RASEF: variants seen among roughly 807,000 people sequenced by gnomAD.
The protein encoded by RASEF is RAS and EF-hand domain containing, also known as ras and EF-hand domain-containing protein.
A neutral mutation model predicts 90.1 loss-of-function variants in RASEF; 68 were observed. The ratio of observed to expected loss-of-function variants is 0.75; its 90% CI spans 0.62 to 0.92. RASEF has a LOEUF of 0.92. Among genes scored for constraint, RASEF ranks in the 40% least tolerant of loss-of-function variants. The probability of loss-of-function intolerance (pLI) is 0.00; values close to 1 mark genes in which losing one functional copy is unlikely to be tolerated. For synonymous variants in RASEF, 331 were observed against 345.2 expected (o/e 0.96, Z 0.46); for missense variants, 949 against 937.2 (o/e 1.01, Z -0.16).
chr9:83,004,409 C>T, intron 9 of RASEF, 89 bp downstream of exon 9: 1 of 736,164 alleles, frequency 1.4e-6, no homozygotes, highest in East Asian at 2.8e-5. Context: ...AAAGTATATT[C>T]TATTATTTTA....
intron 12 of RASEF, among the ~76,000 whole-genome samples, 177 bp downstream of exon 12, chr9:82,999,984 GACACACAC>G (rs55873985): frequency 0.025 from 3,516 of 141,046 alleles, 38 homozygotes; most frequent in South Asian, 0.039. Flanking sequence ...TAGACTAGGA[GACACACAC>G]ACACACACAC....
At chr9:83,035,413 G>C (rs1415817873) in intron 1 of RASEF, among the ~76,000 whole-genome samples, 1 of 152,188 alleles carries the variant, frequency 6.6e-6, no homozygotes, top group Non-Finnish European at 1.5e-5. Context: ...ATAGCAATGT[G>C]CATGGGGCAA....
rs1438645238 is a variant in RASEF, at chr9:83,048,318, G to A, written c.431+14119C>T. 3 of 985,176 alleles carry A rather than the reference G, an allele frequency of 3.0e-6. No individual in the cohort carries two copies. The African/African-American group carries it at 5.2e-5, about 17-fold the overall frequency. 61.0% of individuals were successfully genotyped at this position (985,176 alleles called of 1,614,324 possible). A position where few individuals can be genotyped will look rare whatever the true frequency, so the allele number is the denominator to read the frequency against. ...CGTCACTTCTCTGTGGTAGAGGGGT[G>A]GAAACTCCCTGAGTGTAGCTGGTCT... On this transcript the variant is annotated intron_variant, in intron 1 of 16. Transcript: ENST00000376447.
In RASEF at chr9:82,982,780, T is replaced by A; in HGVS notation, c.2120A>T (p.Glu707Val). The change falls in exon 17 of 17, where the codon GAA (glutamate) becomes GTA (valine). Residue 707 changes from glutamate (E) to valine (V), a missense_variant and splice_region_variant. Glu to Val is a moderately radical substitution (Grantham distance 121). Transcript: ENST00000376447. ...IVEAVLHLAR[E>V]VKKRTDKDDS... is the part of the protein sequence containing the mutation. ...ATCCTTGTCAGTTCTCTTTTTCACT[T>A]CTCTGAGACAGAGATAGAGAGAGAC... The A allele has an allele frequency of 6.5e-7, 1 of 1,547,868 alleles. No homozygotes were observed. Among genetic ancestry groups the A allele is most frequent in the African/African-American group, 1.4e-5 (1 of 72,046 alleles).
the RASEF span, among the ~76,000 whole-genome samples, chr9:83,080,577 T>G: frequency 1.3e-5 from 2 of 152,144 alleles, no homozygotes; most frequent in African/African-American, 2.4e-5. Flanking sequence ...CCTAAAAGAA[T>G]TATTCAGGTG....
At chr9:83,101,655 G>A in the RASEF span, among the ~76,000 whole-genome samples, 2 of 152,154 alleles carry the variant, frequency 1.3e-5, no homozygotes, top group South Asian at 4.1e-4. Flanking sequence ...TACACACCAC[G>A]TTGATTCTCG....
At chr9:82,992,014 A>C (rs1432412940) in intron 15 of RASEF, among the ~76,000 whole-genome samples, 1 of 152,222 alleles carries the variant, frequency 6.6e-6, no homozygotes, top group African/African-American at 2.4e-5. Context: ...GGTTGAGTGA[A>C]TCTCTTCTGC....
the RASEF span, among the ~76,000 whole-genome samples, chr9:83,102,818 T>C: frequency 6.6e-6 from 1 of 152,038 alleles, no homozygotes; most frequent in Admixed American, 6.6e-5. Context: ...GGGTAGTAGC[T>C]TGGAAAGGTA....
the RASEF span, among the ~76,000 whole-genome samples, chr9:83,141,057 C>T: frequency 4.6e-5 from 7 of 150,778 alleles, no homozygotes; most frequent in Non-Finnish European, 8.8e-5. Flanking sequence ...GCAAGAGAAT[C>T]GCTTGAACCT....
the RASEF span, among the ~76,000 whole-genome samples, chr9:83,080,204 G>A: frequency 1.3e-5 from 2 of 152,198 alleles, no homozygotes; most frequent in African/African-American, 2.4e-5. Context: ...GAGGACAGGT[G>A]AGAGTGGAGA....
chr9:83,041,894 C>A (rs1000624361), intron 1 of RASEF, among the ~76,000 whole-genome samples: 3 of 152,118 alleles, frequency 2.0e-5, no homozygotes, highest in Admixed American at 1.3e-4. Context: ...GAGCAAACAG[C>A]CTTCAGATCT....
the RASEF span, among the ~76,000 whole-genome samples, chr9:83,147,789 G>A: frequency 3.3e-5 from 5 of 152,106 alleles, no homozygotes; most frequent in African/African-American, 1.2e-4. Flanking sequence ...TTATTGAGTG[G>A]TGGAGGTGGC....
At chr9:83,062,339 A>C (rs866499078) in intron 1 of RASEF, 98 bp downstream of exon 1, 11 of 1,060,174 alleles carry the variant, frequency 1.0e-5, no homozygotes, top group Middle Eastern at 2.0e-4. Context: ...AGAGAAGACT[A>C]GGGGGGGGGG....
chr9:83,110,870 T>C, the RASEF span, among the ~76,000 whole-genome samples: 1 of 151,896 alleles, frequency 6.6e-6, no homozygotes, highest in Admixed American at 6.6e-5. Flanking sequence ...CAATCCCCAC[T>C]AGAGAAATGT....
chr9:83,194,988 A>G, the RASEF span, among the ~76,000 whole-genome samples: 1 of 152,218 alleles, frequency 6.6e-6, no homozygotes, highest in Admixed American at 6.5e-5. Flanking sequence ...TTATCAGAGA[A>G]TAGTATTAGA....
the RASEF span, among the ~76,000 whole-genome samples, chr9:83,087,122 C>T: frequency 6.6e-6 from 1 of 152,138 alleles, no homozygotes; most frequent in Non-Finnish European, 1.5e-5. Flanking sequence ...GTAGATGTGT[C>T]TGACTATTAA....
At chr9:83,182,702 G>C in the RASEF span, among the ~76,000 whole-genome samples, 3 of 152,016 alleles carry the variant, frequency 2.0e-5, no homozygotes, top group Admixed American at 6.6e-5. Context: ...AAACAGACTA[G>C]TAAAATAGAA....
Position 83,015,833 on chromosome 9 carries a change from A to C in RASEF, c.737T>G (p.Leu246Arg), listed in dbSNP as rs1039808416. 1.2e-6 allele frequency: 2 copies of C among 1,613,992 alleles called. No individual in the cohort carries two copies. Among genetic ancestry groups the C allele is most frequent in the East Asian group, 4.5e-5 (2 of 44,886 alleles). ...RRQYETEVGD[L>R]QVTIKKLRKL... The stretch of plus-strand genomic sequence containing the variant: ...TCTTAGCTTTTTAATGGTCACCTGC[A>C]GATCTCCTACTTCAGTTTCATACTG... Residue 246 changes from leucine (L) to arginine (R), a missense_variant, in exon 4 of 17, where the codon CTG (leucine) becomes CGG (arginine). This residue lies in a region of RASEF where 656 missense variants were observed against 592.2 expected (regional missense o/e 1.11). Coordinates refer to ENST00000376447, the MANE Select transcript of RASEF (RefSeq NM_152573.4).
At chr9:83,094,835 T>C in the RASEF span, among the ~76,000 whole-genome samples, 1 of 152,230 alleles carries the variant, frequency 6.6e-6, no homozygotes, top group Non-Finnish European at 1.5e-5. Context: ...ACCTGGCTAA[T>C]TAACATTACT....
Sources: allele counts gnomAD v4.1 joint callset (sites outside exome capture counted in the v4.1 genomes callset), GRCh38; gene constraint gnomAD v4.1.1; regional missense constraint gnomAD v4.1.1; transcripts MANE v1.5; gene names NCBI Gene and HGNC (gene_info 2026-07-23, HGNC 2026-07-21).